The following NR1H3 variants were observed in gnomAD, a reference collection of about 807,000 sequenced individuals.
The protein encoded by NR1H3 is oxysterols receptor LXR-alpha.
NR1H3 carries 19 observed loss-of-function variants against 48.1 expected under a neutral mutation model. The observed-to-expected ratio is 0.40, with a 90% CI of 0.28 to 0.58. The LOEUF (loss-of-function observed/expected upper bound fraction) is 0.58, where lower values mean the gene tolerates loss of function less well. Ranked by LOEUF, NR1H3 falls within the 20% of genes least tolerant of loss-of-function variation. NR1H3 has a pLI of 0.50. For synonymous variants in NR1H3, 232 were observed against 227.3 expected (o/e 1.02, Z -0.19); for missense variants, 486 against 595.9 (o/e 0.82, Z 1.92).
At chr11:47,250,423 AG>A (rs776086973) in intron 1 of NR1H3, 8 of 152,092 alleles carry the variant, frequency 5.3e-5, no homozygotes, top group Non-Finnish European at 1.2e-4. Context: ...AAAGAAGAAA[AG>A]AAAAAAAAAG....
At chr11:47,253,020 G>A (rs1780429861), upstream of NR1H3, among the ~76,000 whole-genome samples, 1 of 143,488 alleles carries the variant, frequency 7.0e-6, no homozygotes, top group African/African-American at 2.6e-5. Flanking sequence ...GTGCAGTGGT[G>A]CAATCATGGC....
intron 6 of NR1H3, 90 bp downstream of exon 6, chr11:47,261,816 T>C: frequency 6.2e-7 from 1 of 1,604,276 alleles, no homozygotes; most frequent in Non-Finnish European, 8.5e-7. Context: ...GAGAGCCAAA[T>C]CTGCTGGGAA....
intron 8 of NR1H3, 63 bp downstream of exon 8, chr11:47,268,089 C>T (rs1957055599): frequency 7.4e-7 from 1 of 1,345,822 alleles, no homozygotes; most frequent in East Asian, 2.3e-5. Flanking sequence ...GCAGGTCCCA[C>T]AGGAATCGGT....
intron 7 of NR1H3, among the ~76,000 whole-genome samples, chr11:47,265,553 A>G (rs1011749159): frequency 9.2e-5 from 14 of 152,200 alleles, no homozygotes; most frequent in African/African-American, 3.4e-4. Flanking sequence ...TAGTCTTCTC[A>G]GCAGGAAGAC....
At chr11:47,255,549 C>CTT (rs1360879168), upstream of NR1H3, among the ~76,000 whole-genome samples, 2 of 54,920 alleles carry the variant, frequency 3.6e-5, no homozygotes, top group African/African-American at 1.3e-4. Flanking sequence ...CTTTTTCTTT[C>CTT]TTTCTTTCTT....
upstream of NR1H3, chr11:47,248,865 G>A (rs571913929): frequency 6.4e-7 from 1 of 1,551,056 alleles, no homozygotes; most frequent in South Asian, 1.2e-5. Context: ...GGACGCACCC[G>A]TAAGGACACA....
intron 7 of NR1H3, among the ~76,000 whole-genome samples, chr11:47,262,334 G>A (rs1302542356): frequency 6.6e-6 from 1 of 151,490 alleles, no homozygotes. Flanking sequence ...AGCCAAGATC[G>A]CACCACTGCA....
intron 1 of NR1H3, chr11:47,258,388 C>G (rs1321354486): frequency 5.8e-6 from 1 of 173,476 alleles, no homozygotes; most frequent in East Asian, 1.9e-4. Context: ...GAGCGAGGTT[C>G]TCTAATAAGC....
At chr11:47,253,129 T>TTGTGCGTGTGTGTGTGTGTGTGTGTGTG (rs1216721835), upstream of NR1H3, among the ~76,000 whole-genome samples, 4 of 68,870 alleles carry the variant, frequency 5.8e-5, no homozygotes, top group Middle Eastern at 5.3e-3. Flanking sequence ...TGGCTAATTT[T>TTGTGCGTGTGTGTGTGTGTGTGTGTGTG]TGTGCGTGTG....
intron 7 of NR1H3, among the ~76,000 whole-genome samples, chr11:47,263,962 A>G (rs1466880059): frequency 6.6e-6 from 1 of 152,166 alleles, no homozygotes; most frequent in African/African-American, 2.4e-5. Context: ...CATGGCAAAC[A>G]TGCCCAGAGA....
At chr11:47,251,661 A>G (rs1349676152) in intron 1 of NR1H3, among the ~76,000 whole-genome samples, 1 of 152,016 alleles carries the variant, frequency 6.6e-6, no homozygotes, top group Admixed American at 6.6e-5. Flanking sequence ...AAAATGCTGC[A>G]TATTAGTGGT....
At chr11:47,268,064 A>C in intron 8 of NR1H3, 38 bp downstream of exon 8, 1 of 1,491,842 alleles carries the variant, frequency 6.7e-7, no homozygotes, top group Non-Finnish European at 9.3e-7. Flanking sequence ...CAAGAGACTT[A>C]CACCAAGGAG....
intron 1 of NR1H3, among the ~76,000 whole-genome samples, chr11:47,249,814 C>T (rs60942305): frequency 0.016 from 2,485 of 152,210 alleles, 78 homozygotes; most frequent in African/African-American, 0.057. Context: ...CAGGCTTGGC[C>T]TGGGCGCCGT....
In NR1H3 at chr11:47,261,229, C is replaced by T. The variant is rs746835716; in HGVS notation, c.500-12C>T. 9.8e-6 allele frequency: 14 copies of T among 1,429,758 alleles called. No individual in the cohort carries two copies. The highest frequency in any genetic ancestry group is 1.2e-5 in the Non-Finnish European group (13 of 1,066,906). 88.6% of individuals were successfully genotyped at this position (1,429,758 alleles called of 1,614,324 possible). ...CATCTGCTCCCTTCCTCATATTTGG[C>T]CCTGTCCTTAGGTGTCCTGTCAGAA... On this transcript the variant is annotated splice_polypyrimidine_tract_variant and intron_variant, in intron 4 of 9. Coordinates refer to ENST00000441012, the MANE Select transcript of NR1H3 (RefSeq NM_005693.4).
chr11:47,255,320 C>T (rs77947073), upstream of NR1H3, among the ~76,000 whole-genome samples: 612 of 152,284 alleles, frequency 4.0e-3, 2 homozygotes, highest in African/African-American at 0.013. Context: ...AAATGGAGCT[C>T]GGGTTACTTA....
chr11:47,267,673 T>C (rs921273675), intron 7 of NR1H3, among the ~76,000 whole-genome samples: 4 of 152,050 alleles, frequency 2.6e-5, no homozygotes, highest in Non-Finnish European at 5.9e-5. Flanking sequence ...CACGCCCGGC[T>C]AGTTTTTGTG....
intron 1 of NR1H3, among the ~76,000 whole-genome samples, chr11:47,251,473 G>A (rs979698882): frequency 3.3e-5 from 5 of 152,044 alleles, no homozygotes; most frequent in African/African-American, 7.2e-5. Context: ...TTAGCCAGTC[G>A]TGGTGGCGTG....
chr11:47,255,221 A>G (rs1306081439), upstream of NR1H3, among the ~76,000 whole-genome samples: 1 of 152,204 alleles, frequency 6.6e-6, no homozygotes, highest in Admixed American at 6.5e-5. Context: ...AAGGGACTGG[A>G]GTGAGGACAT....
upstream of NR1H3, among the ~76,000 whole-genome samples, chr11:47,255,069 C>T (rs1259486081): frequency 6.6e-6 from 1 of 152,224 alleles, no homozygotes; most frequent in East Asian, 1.9e-4. Flanking sequence ...ACCTCAGCAG[C>T]TTGCCTCCCA....
Sources: allele counts gnomAD v4.1 joint callset (sites outside exome capture counted in the v4.1 genomes callset), GRCh38; gene constraint gnomAD v4.1.1; transcripts MANE v1.5; gene names NCBI Gene and HGNC (gene_info 2026-07-23, HGNC 2026-07-21).